Variants in MTMR7 observed in about 807,000 individuals in gnomAD.
MTMR7 encodes myotubularin related protein 7.
A neutral mutation model predicts 81.2 loss-of-function variants in MTMR7; 76 were observed. The ratio of observed to expected loss-of-function variants is 0.94; its 90% CI spans 0.78 to 1.13. MTMR7 has a LOEUF of 1.13. MTMR7 is among the 50% of genes most tolerant of loss of function. MTMR7 has a pLI of 0.00. For missense variants in MTMR7, 1,044 were observed against 820.0 expected (o/e 1.27, Z -3.34); for synonymous variants, 372 against 289.8 (o/e 1.28, Z -2.88).
intron 6 of MTMR7, among the ~76,000 whole-genome samples, chr8:17,335,937 T>C (rs1201000300): frequency 6.6e-6 from 1 of 152,116 alleles, no homozygotes; most frequent in East Asian, 1.9e-4. Context: ...CGGCCCACCC[T>C]CCCTCTCCTC....
chr8:17,353,318 A>C (rs988867178), intron 4 of MTMR7, among the ~76,000 whole-genome samples: 2 of 152,218 alleles, frequency 1.3e-5, no homozygotes, highest in African/African-American at 4.8e-5. Flanking sequence ...TAATGGGTAT[A>C]GAGTATCAGT....
At position 17,332,010 on chromosome 8, in the gene MTMR7, T is replaced by C. The variant is rs145315415; in HGVS notation, c.733-728A>G. Among the ~76,000 whole-genome samples the C allele has an allele frequency of 7.6e-3, 1,164 of 152,222 alleles. 8 individuals are homozygous for C. The highest frequency in any genetic ancestry group is 0.034 in the Middle Eastern group (10 of 292). On this transcript the variant is annotated intron_variant, in intron 6 of 13. Transcript: ENST00000180173. ...AGAAGTTTATTAAATCCAAACACTGTCCTAGCCTGCGTGGCTAAAATCAAG... is the reference window on the plus strand; with the variant it reads ...AGAAGTTTATTAAATCCAAACACTGCCCTAGCCTGCGTGGCTAAAATCAAG...
intron 7 of MTMR7, among the ~76,000 whole-genome samples, chr8:17,318,572 A>C (rs746855549): frequency 1.3e-5 from 2 of 152,170 alleles, no homozygotes; most frequent in Non-Finnish European, 2.9e-5. Flanking sequence ...TGGTTCCAGG[A>C]GGAATCGCTG....
At chr8:17,311,427 C>T in intron 9 of MTMR7, 84 bp downstream of exon 9, 1 of 1,562,540 alleles carries the variant, frequency 6.4e-7, no homozygotes, top group Non-Finnish European at 8.7e-7. Context: ...GGCAAGAAAA[C>T]AGCAGTTGCC....
chr8:17,339,203 G>C (rs974783738), intron 6 of MTMR7, among the ~76,000 whole-genome samples: 2 of 152,012 alleles, frequency 1.3e-5, no homozygotes, highest in Non-Finnish European at 2.9e-5. Flanking sequence ...TTGAGCTGCT[G>C]GTTCTATTTT....
intron 8 of MTMR7, 83 bp from the exon 9 acceptor site, chr8:17,311,719 A>G (rs1467780180): frequency 2.5e-6 from 4 of 1,582,540 alleles, no homozygotes; most frequent in Middle Eastern, 1.7e-4. Context: ...GTTTGACTGT[A>G]TATTTACAGA....
At chr8:17,331,715 T>A (rs1276077244) in intron 6 of MTMR7, among the ~76,000 whole-genome samples, 1 of 152,164 alleles carries the variant, frequency 6.6e-6, no homozygotes, top group African/African-American at 2.4e-5. Flanking sequence ...TAGTATTAGA[T>A]TGCCAATAAA....
At chr8:17,351,287 C>T (rs1198787945) in intron 4 of MTMR7, among the ~76,000 whole-genome samples, 1 of 152,226 alleles carries the variant, frequency 6.6e-6, no homozygotes, top group African/African-American at 2.4e-5. Context: ...TTCAGACAGC[C>T]TCTTTGAAGA....
chr8:17,402,088 T>C (rs1821443904), intron 1 of MTMR7, among the ~76,000 whole-genome samples: 1 of 152,110 alleles, frequency 6.6e-6, no homozygotes. Context: ...GGAAAATTAT[T>C]TTTAAAAATT....
At chr8:17,340,815 G>C (rs1016387915) in intron 6 of MTMR7, among the ~76,000 whole-genome samples, 2 of 152,232 alleles carry the variant, frequency 1.3e-5, no homozygotes, top group Middle Eastern at 3.4e-3. Context: ...GGAATTTTTA[G>C]AGTTCAGGGT....
At chr8:17,387,752 T>C (rs1443590721) in intron 1 of MTMR7, among the ~76,000 whole-genome samples, 2 of 152,098 alleles carry the variant, frequency 1.3e-5, no homozygotes, top group Non-Finnish European at 2.9e-5. Context: ...GAGAAAAATA[T>C]GCTTTGAGAA....
intron 7 of MTMR7, among the ~76,000 whole-genome samples, chr8:17,317,008 G>C (rs142491778): frequency 6.6e-6 from 1 of 152,080 alleles, no homozygotes; most frequent in African/African-American, 2.4e-5. Flanking sequence ...ACTAATACTT[G>C]GTAATGCTGA....
intron 7 of MTMR7, among the ~76,000 whole-genome samples, chr8:17,318,650 CTT>C (rs1161211251): frequency 6.6e-6 from 1 of 152,182 alleles, no homozygotes; most frequent in Non-Finnish European, 1.5e-5. Context: ...CTGAGATTCT[CTT>C]GTCTGGATGG....
intron 1 of MTMR7, among the ~76,000 whole-genome samples, chr8:17,390,179 C>G (rs996503989): frequency 2.0e-5 from 3 of 151,982 alleles, no homozygotes; most frequent in Non-Finnish European, 4.4e-5. Context: ...TTAATCGGCT[C>G]GTGGTTCTGC....
intron 6 of MTMR7, among the ~76,000 whole-genome samples, chr8:17,337,321 T>C (rs56198943): frequency 0.1 from 14,429 of 143,734 alleles, 747 homozygotes; most frequent in African/African-American, 0.13. Flanking sequence ...TCCGAGATCG[T>C]GCCACTGAGC....
intron 7 of MTMR7, among the ~76,000 whole-genome samples, chr8:17,324,783 C>A (rs981073646): frequency 3.3e-5 from 5 of 152,034 alleles, no homozygotes; most frequent in African/African-American, 1.2e-4. Context: ...GGCCAAGGTG[C>A]CAAATTTTGA....
At chr8:17,319,218 T>G in intron 7 of MTMR7, among the ~76,000 whole-genome samples, 1 of 152,334 alleles carries the variant, frequency 6.6e-6, no homozygotes, top group Middle Eastern at 3.4e-3. Flanking sequence ...TAACCTGGGC[T>G]AGTTACTGAG....
chr8:17,335,062 C>T (rs1229713121), intron 6 of MTMR7, among the ~76,000 whole-genome samples: 6 of 152,122 alleles, frequency 3.9e-5, no homozygotes, highest in African/African-American at 7.2e-5. Context: ...CCTGTGGCAG[C>T]GGAGAGCAAC....
intron 3 of MTMR7, among the ~76,000 whole-genome samples, chr8:17,361,745 A>T (rs1049821240): frequency 1.2e-4 from 19 of 152,332 alleles, no homozygotes; most frequent in African/African-American, 4.1e-4. Flanking sequence ...AAAAGAAAAA[A>T]ATAATAAAGT....
Sources: allele counts gnomAD v4.1 joint callset (sites outside exome capture counted in the v4.1 genomes callset), GRCh38; gene constraint gnomAD v4.1.1; transcripts MANE v1.5; gene names NCBI Gene and HGNC (gene_info 2026-07-23, HGNC 2026-07-21).